Variants in DPF3 observed in about 807,000 individuals in gnomAD.
DPF3 encodes zinc finger protein DPF3.
In DPF3, 18 loss-of-function variants were observed where a neutral mutation model predicts 56.8. The ratio of observed to expected loss-of-function variants is 0.32; its 90% CI spans 0.22 to 0.47. DPF3 has a LOEUF of 0.47. DPF3 is among the 20% of genes least tolerant of loss of function. The pLI is 1.00. For missense variants in DPF3, 403 were observed against 488.8 expected (o/e 0.82, Z 1.65); for synonymous variants, 188 against 180.2 (o/e 1.04, Z -0.35).
At chr14:72,807,907 G>C (rs1031323341) in intron 1 of DPF3, among the ~76,000 whole-genome samples, 1 of 152,166 alleles carries the variant, frequency 6.6e-6, no homozygotes, top group African/African-American at 2.4e-5. Context: ...GGAGGCTGCA[G>C]TGAGTTATGA....
intron 1 of DPF3, among the ~76,000 whole-genome samples, chr14:72,776,250 T>C (rs1010045018): frequency 1.3e-5 from 2 of 152,174 alleles, no homozygotes; most frequent in Non-Finnish European, 2.9e-5. Context: ...ATGATGTTCT[T>C]ATCAACAACT....
intron 1 of DPF3, among the ~76,000 whole-genome samples, chr14:72,884,968 A>ATG (rs1235174626): frequency 1.5e-3 from 170 of 114,898 alleles, no homozygotes; most frequent in Non-Finnish European, 2.5e-3. Context: ...ATATATATAT[A>ATG]TATTAGCCGG....
intron 8 of DPF3, among the ~76,000 whole-genome samples, chr14:72,659,572 T>C (rs1333753309): frequency 6.6e-6 from 1 of 152,154 alleles, no homozygotes; most frequent in Non-Finnish European, 1.5e-5. Context: ...AAAGATAGTA[T>C]ATGCAAAGAA....
chr14:72,859,830 G>A (rs17781661), intron 1 of DPF3, among the ~76,000 whole-genome samples: 48,700 of 151,820 alleles, frequency 0.32, 8,063 homozygotes, highest in African/African-American at 0.35. Flanking sequence ...TTTAGGGCCA[G>A]GGGTATATTC....
At chr14:72,711,911 G>C (rs1466310790) in intron 6 of DPF3, among the ~76,000 whole-genome samples, 1 of 152,024 alleles carries the variant, frequency 6.6e-6, no homozygotes, top group African/African-American at 2.4e-5. Flanking sequence ...AGCACTCCTT[G>C]CCCAGTTTGG....
intron 1 of DPF3, among the ~76,000 whole-genome samples, chr14:72,884,989 G>A (rs1886482800): frequency 1.8e-5 from 1 of 56,082 alleles, no homozygotes; most frequent in Non-Finnish European, 4.9e-5. Flanking sequence ...GCGTAAGGCG[G>A]GCGCCTGCAG....
chr14:72,869,026 T>C (rs1167162759), intron 1 of DPF3, among the ~76,000 whole-genome samples: 2 of 152,222 alleles, frequency 1.3e-5, no homozygotes, highest in African/African-American at 2.4e-5. Flanking sequence ...AGGCCCTTCA[T>C]GACCAGGCCT....
chr14:72,743,649 G>A (rs555246552), intron 3 of DPF3, among the ~76,000 whole-genome samples: 46 of 151,296 alleles, frequency 3.0e-4, no homozygotes, highest in African/African-American at 1.1e-3. Flanking sequence ...GAAGTTAAAG[G>A]CCTCTTTTTT....
At chr14:72,704,673 T>C (rs1238206871) in intron 6 of DPF3, among the ~76,000 whole-genome samples, 1 of 152,174 alleles carries the variant, frequency 6.6e-6, no homozygotes, top group South Asian at 2.1e-4. Context: ...GTCAGTTTCA[T>C]CACACTCCCA....
intron 1 of DPF3, among the ~76,000 whole-genome samples, chr14:72,824,037 T>A (rs1188906941): frequency 6.6e-6 from 1 of 152,058 alleles, no homozygotes; most frequent in Non-Finnish European, 1.5e-5. Context: ...TATCTAGCAA[T>A]GAGGAAGTGT....
chr14:72,683,294 T>G (rs1323359513), intron 7 of DPF3, among the ~76,000 whole-genome samples: 1 of 126,040 alleles, frequency 7.9e-6, no homozygotes, highest in African/African-American at 3.1e-5. Context: ...ACCACTGCAC[T>G]CCAGCCTGGG....
At chr14:72,661,492 G>A (rs1886208983) in intron 8 of DPF3, 1 of 985,618 alleles carries the variant, frequency 1.0e-6, no homozygotes, top group Non-Finnish European at 1.2e-6. Context: ...CAAGAGCATG[G>A]CTGTGTGAAA....
At position 72,632,730 on chromosome 14, in the gene DPF3, A is replaced by G. The variant is rs113506119; in HGVS notation, c.872-2994T>C. 8.0e-4 allele frequency among the ~76,000 whole-genome samples: 54 copies of G among 67,378 alleles called. No individual in the cohort carries two copies. In the East Asian group the frequency reaches 0.062, roughly 77 times the overall value. The allele number at this position is 67,378 out of a possible 152,430, so 44.2% of individuals were successfully genotyped here. A position where few individuals can be genotyped will look rare whatever the true frequency, so the allele number is the denominator to read the frequency against. On this transcript the variant is annotated intron_variant, in intron 8 of 10. Coordinates refer to ENST00000556509, the MANE Select transcript of DPF3 (RefSeq NM_001280542.3). ...AAGGGAAGGAAGGGAAGGAAGGGAA[A>G]GAAGGGAAGGAGGGAAGGATGGAGG...
chr14:72,672,744 T>A (rs1448040605), intron 8 of DPF3, among the ~76,000 whole-genome samples: 2 of 152,138 alleles, frequency 1.3e-5, no homozygotes, highest in Non-Finnish European at 2.9e-5. Context: ...GGGGAGAAAT[T>A]ACAGCAGTTT....
intron 2 of DPF3, among the ~76,000 whole-genome samples, chr14:72,756,871 AG>A (rs1407941155): frequency 2.9e-5 from 4 of 135,876 alleles, no homozygotes; most frequent in African/African-American, 1.2e-4. Context: ...AAAGAAAGAA[AG>A]GAAGGAAAGA....
At chr14:72,728,450 AAGG>A (rs1889501102) in intron 4 of DPF3, among the ~76,000 whole-genome samples, 3 of 152,162 alleles carry the variant, frequency 2.0e-5, no homozygotes, top group Non-Finnish European at 4.4e-5. Context: ...AGAGCGGCGA[AAGG>A]AGTAGTGGAA....
chr14:72,763,780 T>C (rs1891153791), intron 2 of DPF3, among the ~76,000 whole-genome samples: 1 of 152,154 alleles, frequency 6.6e-6, no homozygotes, highest in South Asian at 2.1e-4. Context: ...ATGAGACTGC[T>C]AAGTTAATGA....
At chr14:72,717,191 C>G (rs1440153858) in intron 5 of DPF3, among the ~76,000 whole-genome samples, 1 of 152,252 alleles carries the variant, frequency 6.6e-6, no homozygotes, top group Non-Finnish European at 1.5e-5. Flanking sequence ...CTAACCTCCA[C>G]TCCTCCAAGA....
At chr14:72,843,987 A>C (rs1369986222) in intron 1 of DPF3, among the ~76,000 whole-genome samples, 3 of 152,246 alleles carry the variant, frequency 2.0e-5, no homozygotes, top group Non-Finnish European at 2.9e-5. Context: ...ACTTGCCCAA[A>C]GTCACACAGC....
Sources: gnomAD v4.1 joint callset for allele counts (sites outside exome capture counted in the v4.1 genomes callset) on GRCh38, gnomAD v4.1.1 for gene constraint, MANE v1.5 for transcripts, NCBI Gene and HGNC (gene_info 2026-07-23, HGNC 2026-07-21) for gene names.